The following CNTNAP5 variants were observed in gnomAD, a reference collection of about 807,000 sequenced individuals.
CNTNAP5 encodes contactin associated protein family member 5.
In CNTNAP5, 72 loss-of-function variants were observed where a neutral mutation model predicts 150.2. The ratio of observed to expected loss-of-function variants is 0.48; its 90% CI spans 0.40 to 0.58. CNTNAP5 has a LOEUF of 0.58. CNTNAP5 is among the 20% of genes least tolerant of loss of function. The pLI, the probability that CNTNAP5 is intolerant of heterozygous loss-of-function variation, is 0.00. For synonymous variants in CNTNAP5, 672 were observed against 619.8 expected, an observed-to-expected ratio of 1.08 and a Z score of -1.25; for missense variants, 1,636 against 1,626.2, an observed-to-expected ratio of 1.01 and a Z score of -0.10.
At chr2:124,390,189 C>T (rs2104747464) in intron 3 of CNTNAP5, among the ~76,000 whole-genome samples, 1 of 152,198 alleles carries the variant, frequency 6.6e-6, no homozygotes, top group South Asian at 2.1e-4. Flanking sequence ...CTAGATAATC[C>T]AACAGCTGAC....
rs139630771 is a variant in CNTNAP5, at chr2:124,618,734, A to G, written c.1876+8814A>G. ...CTGGTGGGGCAAGTGGAAGATTTCC[A>G]TATTGACCTGCTTAAAGGACTGACC... On this transcript the variant is annotated intron_variant, in intron 12 of 23. Transcript: ENST00000682447. Among the ~76,000 whole-genome samples the G allele has an allele frequency of 9.8e-5, 15 of 152,290 alleles. No individual in the cohort carries two copies. The East Asian group carries it at 2.7e-3, about 27-fold the overall frequency.
chr2:124,653,146 C>G (rs1422214491), intron 13 of CNTNAP5, among the ~76,000 whole-genome samples: 5 of 152,172 alleles, frequency 3.3e-5, no homozygotes, highest in Non-Finnish European at 4.4e-5. Flanking sequence ...TGGTTAAAAG[C>G]CATTCCTATT....
intron 17 of CNTNAP5, among the ~76,000 whole-genome samples, chr2:124,783,403 GTCTGTAACAACTATT>G (rs1558773806): frequency 6.6e-6 from 1 of 151,972 alleles, no homozygotes; most frequent in Non-Finnish European, 1.5e-5. Context: ...CCCTCCCCCA[GTCTGTAACAACTATT>G]TCAAAAGATC....
In CNTNAP5 at chr2:124,546,611, T is replaced by A. The variant is rs143562674; in HGVS notation, c.1650-16606T>A. On this transcript the variant is annotated intron_variant, in intron 10 of 23. Transcript: ENST00000682447. ...GTGGGGCAGCAACTCTGGGAGGTAGTTGGTAGTGTAGACAATGTGGCTTCA... is the reference window on the plus strand; with the variant it reads ...GTGGGGCAGCAACTCTGGGAGGTAGATGGTAGTGTAGACAATGTGGCTTCA... Among the ~76,000 whole-genome samples the A allele has an allele frequency of 5.9e-5, 9 of 152,288 alleles. 1 individual carries two copies. In the East Asian group the frequency reaches 1.7e-3, roughly 29 times the overall value.
At chr2:124,866,701 T>C (rs1677638984) in intron 20 of CNTNAP5, among the ~76,000 whole-genome samples, 1 of 152,102 alleles carries the variant, frequency 6.6e-6, no homozygotes, top group South Asian at 2.1e-4. Context: ...CAGCAGATGA[T>C]GGCAGAGCCC....
At chr2:124,349,454 G>A (rs1409448698) in intron 3 of CNTNAP5, among the ~76,000 whole-genome samples, 1 of 152,228 alleles carries the variant, frequency 6.6e-6, no homozygotes, top group East Asian at 1.9e-4. Context: ...TTATTTTCCC[G>A]TTTGTGTAAG....
At chr2:124,120,026 G>C (rs1683524057) in intron 1 of CNTNAP5, among the ~76,000 whole-genome samples, 2 of 152,100 alleles carry the variant, frequency 1.3e-5, no homozygotes, top group South Asian at 4.1e-4. Flanking sequence ...GAGTGACCTG[G>C]GCTTTGGGAT....
At chr2:124,510,826 A>G (rs1694570455) in intron 8 of CNTNAP5, among the ~76,000 whole-genome samples, 2 of 152,196 alleles carry the variant, frequency 1.3e-5, no homozygotes, top group South Asian at 4.1e-4. Context: ...TCACTAGAGC[A>G]GAGAACACCT....
At chr2:124,223,886 C>T (rs114668647) in intron 2 of CNTNAP5, among the ~76,000 whole-genome samples, 1 of 151,414 alleles carries the variant, frequency 6.6e-6, no homozygotes, top group African/African-American at 2.4e-5. Context: ...TTGGGATGCA[C>T]TGACCTAGAA....
chr2:124,787,008 G>C (rs1681613178), intron 17 of CNTNAP5, among the ~76,000 whole-genome samples: 1 of 152,092 alleles, frequency 6.6e-6, no homozygotes. Context: ...CCCCAGATTT[G>C]TGTCACTATC....
intron 19 of CNTNAP5, among the ~76,000 whole-genome samples, chr2:124,857,553 G>T (rs1008817528): frequency 6.6e-6 from 1 of 151,892 alleles, no homozygotes; most frequent in African/African-American, 2.4e-5. Flanking sequence ...AGGCCAGGCA[G>T]GGGAGCTCAT....
chr2:124,858,020 A>G (rs1031744404), intron 19 of CNTNAP5, among the ~76,000 whole-genome samples: 1 of 152,012 alleles, frequency 6.6e-6, no homozygotes, highest in Admixed American at 6.6e-5. Flanking sequence ...GATGCTAAAA[A>G]CTCTCAATAA....
intron 11 of CNTNAP5, among the ~76,000 whole-genome samples, chr2:124,606,268 G>C (rs1697104627): frequency 4.6e-5 from 7 of 152,220 alleles, no homozygotes. Flanking sequence ...AGACTGGATG[G>C]ATGGGGGAAT....
At chr2:124,570,611 C>CT (rs896470747) in intron 11 of CNTNAP5, among the ~76,000 whole-genome samples, 5 of 151,752 alleles carry the variant, frequency 3.3e-5, no homozygotes, top group Admixed American at 6.6e-5. Flanking sequence ...TCATCAGTTT[C>CT]TTTTTTTTAA....
intron 1 of CNTNAP5, among the ~76,000 whole-genome samples, chr2:124,192,591 A>C (rs1685485887): frequency 6.6e-6 from 1 of 152,120 alleles, no homozygotes; most frequent in Non-Finnish European, 1.5e-5. Context: ...ACTGAACTCC[A>C]CACACTCTCC....
rs1008885097 is a variant in CNTNAP5, at chr2:124,734,297, T to C, written c.2078-12932T>C. ...GAGAATGAAGAGAGGAAAAATGTTA[T>C]CATCTTCCCATGGAAACAAATGAAA... On this transcript the variant is annotated intron_variant, in intron 13 of 23. Transcript: ENST00000682447. 2.6e-5 allele frequency among the ~76,000 whole-genome samples: 4 copies of C among 151,960 alleles called. 1 individual carries two copies. The highest frequency in any genetic ancestry group is 5.9e-5 in the Non-Finnish European group (4 of 68,000).
chr2:124,836,760 G>A (rs927830437), intron 19 of CNTNAP5, among the ~76,000 whole-genome samples: 16 of 152,112 alleles, frequency 1.1e-4, no homozygotes, highest in East Asian at 7.7e-4. Context: ...AACTATCTTC[G>A]TGAGTGTCAG....
At chr2:124,464,994 G>A (rs1164729617) in intron 6 of CNTNAP5, among the ~76,000 whole-genome samples, 1 of 145,648 alleles carries the variant, frequency 6.9e-6, no homozygotes, top group Non-Finnish European at 1.5e-5. Context: ...AAAAGTATCA[G>A]ATATTCAAGT....
chr2:124,410,104 A>T (rs889397913), intron 3 of CNTNAP5, among the ~76,000 whole-genome samples: 21 of 152,202 alleles, frequency 1.4e-4, no homozygotes, highest in Non-Finnish European at 2.9e-4. Flanking sequence ...AAATACTTTA[A>T]ACCAACAAAG....
Sources: gnomAD v4.1 joint callset for allele counts (sites outside exome capture counted in the v4.1 genomes callset) on GRCh38, gnomAD v4.1.1 for gene constraint, MANE v1.5 for transcripts, NCBI Gene and HGNC (gene_info 2026-07-23, HGNC 2026-07-21) for gene names.